The following PREX2 variants were observed in gnomAD, a reference collection of about 807,000 sequenced individuals.
The protein encoded by PREX2 is phosphatidylinositol 3,4,5-trisphosphate-dependent Rac exchanger 2 protein.
Under a neutral mutation model 203.2 loss-of-function variants are expected in PREX2, and 107 were observed. The ratio of observed to expected loss-of-function variants is 0.53; its 90% confidence interval spans 0.45 to 0.62. The LOEUF (loss-of-function observed/expected upper bound fraction) is 0.62. Ranked by LOEUF, PREX2 falls within the 20% of genes least tolerant of loss-of-function variation. PREX2 has a pLI of 0.00. For synonymous variants in PREX2, 672 were observed against 663.6 expected, an observed-to-expected ratio of 1.01 and a Z score of -0.19; for missense variants, 1,777 against 1,955.9, an observed-to-expected ratio of 0.91 and a Z score of 1.72.
At chr8:68,097,835 A>C (rs1392608166) in intron 22 of PREX2, among the ~76,000 whole-genome samples, 1 of 152,226 alleles carries the variant, frequency 6.6e-6, no homozygotes, top group Non-Finnish European at 1.5e-5. Flanking sequence ...TTCATGACAG[A>C]TGCTACTTTT....
intron 1 of PREX2, among the ~76,000 whole-genome samples, chr8:67,953,642 C>A (rs529017326): frequency 1.3e-5 from 2 of 152,230 alleles, no homozygotes; most frequent in East Asian, 3.9e-4. Context: ...TGCTTATAAT[C>A]ATGACAGATA....
At chr8:68,127,956 C>T (rs945147872) in intron 31 of PREX2, among the ~76,000 whole-genome samples, 1 of 151,852 alleles carries the variant, frequency 6.6e-6, no homozygotes, top group Non-Finnish European at 1.5e-5. Context: ...TGTTCATCAG[C>T]AAATGCCTAA....
At chr8:67,987,345 A>G (rs1057407911) in intron 1 of PREX2, among the ~76,000 whole-genome samples, 4 of 152,102 alleles carry the variant, frequency 2.6e-5, no homozygotes, top group African/African-American at 9.7e-5. Context: ...TATTAGCACC[A>G]TAAAGCTTAA....
At chr8:68,115,040 T>C (rs1194693387) in intron 25 of PREX2, among the ~76,000 whole-genome samples, 16 of 146,008 alleles carry the variant, frequency 1.1e-4, no homozygotes, top group African/African-American at 3.6e-4. Flanking sequence ...TTTTTTTTTT[T>C]TTTTGAGTTG....
chr8:68,165,438 C>T (rs1424203026), intron 35 of PREX2, among the ~76,000 whole-genome samples: 9 of 151,480 alleles, frequency 5.9e-5, no homozygotes, highest in Non-Finnish European at 8.8e-5. Context: ...TTTTTTTATC[C>T]CCCATCCCCT....
rs374745118 is a variant in PREX2, at chr8:67,970,831, A to T, written c.141+18296A>T. 1.7e-4 allele frequency among the ~76,000 whole-genome samples: 26 copies of T among 152,330 alleles called. No homozygotes were observed. The East Asian group carries it at 4.6e-3, about 27-fold the overall frequency. ...GGGCTCACTTCATCCACCTGCTAAC[A>T]TAGCAGCAGAAAGGTGCTATGTGCA... On this transcript the variant is annotated intron_variant, in intron 1 of 39. Coordinates refer to ENST00000288368, the MANE Select transcript of PREX2 (RefSeq NM_024870.4).
intron 35 of PREX2, among the ~76,000 whole-genome samples, chr8:68,174,155 G>A (rs1811934848): frequency 6.6e-6 from 1 of 152,090 alleles, no homozygotes; most frequent in Non-Finnish European, 1.5e-5. Flanking sequence ...TTTTGTGGAT[G>A]TACCATGCAG....
chr8:68,111,488 A>G (rs1810533678), intron 25 of PREX2, among the ~76,000 whole-genome samples: 1 of 152,142 alleles, frequency 6.6e-6, no homozygotes, highest in Admixed American at 6.6e-5. Flanking sequence ...AAATATTTAT[A>G]TTTAAGACAC....
intron 32 of PREX2, among the ~76,000 whole-genome samples, chr8:68,135,712 T>C (rs139242021): frequency 1.3e-5 from 2 of 152,230 alleles, no homozygotes; most frequent in African/African-American, 4.8e-5. Context: ...TACCTAGAAA[T>C]AGGATTTCTA....
At position 68,235,146 on chromosome 8, in the gene PREX2, G is replaced by A. The variant is rs1289797034; in HGVS notation, c.*3768G>A. The stretch of plus-strand genomic sequence containing the variant: ...CTGAAGTATTATTTTGTTAGTTGAA[G>A]TAGATCTTTTCCTGTGTAGCATGAT... On this transcript the variant is annotated 3_prime_UTR_variant, in exon 40 of 40. Transcript: ENST00000288368. 6.6e-6 allele frequency: 1 copy of A among 152,100 alleles called. No individual in the cohort carries two copies. The highest frequency in any genetic ancestry group is 2.4e-5 in the African/African-American group (1 of 41,434). 9.4% of individuals were successfully genotyped at this position (152,100 alleles called of 1,614,324 possible).
At position 68,146,327 on chromosome 8, in the gene PREX2, A is replaced by C. The variant is rs934633939; in HGVS notation, c.4206A>C (p.Lys1402Asn). 1 of 1,612,668 alleles carries C rather than the reference A, an allele frequency of 6.2e-7. No homozygotes were observed. Among genetic ancestry groups the C allele is most frequent in the Non-Finnish European group, 8.5e-7 (1 of 1,179,444 alleles). The change falls in exon 34 of 40, where the codon AAA (lysine) becomes AAC (asparagine). Residue 1402 changes from lysine (K) to asparagine (N), a missense_variant. Transcript: ENST00000288368. The stretch of plus-strand genomic sequence containing the variant: ...GGCTGAAAAATGGAGGAGGGTTTAA[A>C]ATTCATCCTGTTCTTTTTGCACAAG... ...PQRLKNGGGF[K>N]IHPVLFAQAL...
intron 1 of PREX2, among the ~76,000 whole-genome samples, chr8:67,980,000 A>G (rs1806220197): frequency 6.6e-6 from 1 of 152,220 alleles, no homozygotes; most frequent in Non-Finnish European, 1.5e-5. Flanking sequence ...GGTTCAGAGC[A>G]ACTCCTTCTG....
In PREX2 at chr8:68,072,551, T is replaced by C. The variant is rs1436732188; in HGVS notation, c.1550T>C (p.Ile517Thr). 6.3e-7 allele frequency: 1 copy of C among 1,589,074 alleles called. No homozygotes were observed. Among genetic ancestry groups the C allele is most frequent in the Non-Finnish European group, 8.6e-7 (1 of 1,157,770 alleles). The stretch of plus-strand genomic sequence containing the variant: ...TCTGTGGTCATGGCCAACAAACTGA[T>C]AGACTGGTTAATTGCACAGGTAAAT... ...YKSVVMANKL[I>T]DWLIAQGDCR... The change falls in exon 14 of 40, where the codon ATA (isoleucine) becomes ACA (threonine). Residue 517 changes from isoleucine to threonine, a missense_variant. Coordinates refer to ENST00000288368, the MANE Select transcript of PREX2 (RefSeq NM_024870.4).
chr8:67,979,846 GT>G (rs1806215236), intron 1 of PREX2, among the ~76,000 whole-genome samples: 1 of 152,132 alleles, frequency 6.6e-6, no homozygotes, highest in African/African-American at 2.4e-5. Flanking sequence ...TTTATTGAGT[GT>G]TTTCCGTGGA....
At position 68,099,738 on chromosome 8, in the gene PREX2, A is replaced by C; in HGVS notation, c.2610A>C (p.Leu870=). 1.2e-6 allele frequency: 2 copies of C among 1,614,026 alleles called. No homozygotes were observed. Among genetic ancestry groups the C allele is most frequent in the Non-Finnish European group, 1.7e-6 (2 of 1,179,962 alleles). Residue 870 remains leucine (L), a synonymous_variant, in exon 23 of 40, where the codon CTA becomes CTC. Transcript: ENST00000288368. The part of the protein sequence containing the change: ...DEHFVQNCTS[L]NSLNEVIPTD... ...ATTTTGTACAAAACTGTACCAGCCT[A>C]AATTCTCTAAATGAAGTGATTCCTA...
At chr8:68,068,883 C>A in intron 11 of PREX2, 150 bp from the exon 12 acceptor site, 1 of 414,910 alleles carries the variant, frequency 2.4e-6, no homozygotes, top group Non-Finnish European at 4.2e-6. Context: ...TTAAAATACT[C>A]AATTGGTATT....
intron 35 of PREX2, among the ~76,000 whole-genome samples, chr8:68,174,648 T>C (rs1329938945): frequency 6.6e-6 from 1 of 152,236 alleles, no homozygotes; most frequent in Non-Finnish European, 1.5e-5. Context: ...GATTCTATGG[T>C]AACACTTAAC....
At chr8:68,082,324 G>A (rs1453842441) in intron 17 of PREX2, 3 of 152,156 alleles carry the variant, frequency 2.0e-5, no homozygotes, top group Non-Finnish European at 2.9e-5. Flanking sequence ...CCTGTTTAAA[G>A]TTAGTGGTAA....
rs987355419 is a variant in PREX2 at position 68,066,992 on chromosome 8, C to G, written c.1340-2041C>G. Reference sequence around the variant, plus strand: ...ATCATTTATTGAAGAGACTATCTTCCTCCATTGTGTGTTCTTGGCACCTTT... The same window carrying G: ...ATCATTTATTGAAGAGACTATCTTCGTCCATTGTGTGTTCTTGGCACCTTT... On this transcript the variant is annotated intron_variant, in intron 11 of 39. Coordinates refer to ENST00000288368, the MANE Select transcript of PREX2 (RefSeq NM_024870.4). Among the ~76,000 whole-genome samples, 30 of 152,028 alleles carry G rather than the reference C, an allele frequency of 2.0e-4. 1 individual carries two copies. Among genetic ancestry groups the G allele is most frequent in the Admixed American group, 2.0e-3 (30 of 15,252 alleles).
Sources: allele counts gnomAD v4.1 joint callset (sites outside exome capture counted in the v4.1 genomes callset), GRCh38; gene constraint gnomAD v4.1.1; transcripts MANE v1.5; gene names NCBI Gene and HGNC (gene_info 2026-07-23, HGNC 2026-07-21).